CDH17: variants seen among roughly 807,000 people sequenced by gnomAD.
CDH17 encodes cadherin 17, also known as cadherin-17.
Under a neutral mutation model 86.3 loss-of-function variants are expected in CDH17, and 67 were observed. The observed-to-expected ratio is 0.78, with a 90% CI of 0.64 to 0.95. The LOEUF is 0.95. Ranked by LOEUF, CDH17 falls within the 40% of genes least tolerant of loss-of-function variation. CDH17 has a pLI of 0.00. For synonymous variants in CDH17, 367 were observed against 366.4 expected, an observed-to-expected ratio of 1.00 and a Z score of -0.02; for missense variants, 993 against 1,017.6, an observed-to-expected ratio of 0.98 and a Z score of 0.33.
chr8:94,186,767 A>C (rs1813589475), intron 3 of CDH17, among the ~76,000 whole-genome samples: 1 of 152,224 alleles, frequency 6.6e-6, no homozygotes, highest in Non-Finnish European at 1.5e-5. Flanking sequence ...CTGAGTGATC[A>C]CACAGTAAGC....
At chr8:94,137,439 GC>G (rs753454366) in intron 15 of CDH17, among the ~76,000 whole-genome samples, 11 of 152,178 alleles carry the variant, frequency 7.2e-5, no homozygotes, top group Non-Finnish European at 1.3e-4. Flanking sequence ...CACGGGACCT[GC>G]CAAGCCAGGC....
chr8:94,175,145 G>A (rs914177968), intron 5 of CDH17, among the ~76,000 whole-genome samples: 3 of 152,148 alleles, frequency 2.0e-5, no homozygotes, highest in Non-Finnish European at 4.4e-5. Flanking sequence ...TAGAAAAATA[G>A]CTGTTAAGCC....
chr8:94,162,491 A>G (rs186306631), intron 10 of CDH17, among the ~76,000 whole-genome samples: 1 of 152,216 alleles, frequency 6.6e-6, no homozygotes, highest in Non-Finnish European at 1.5e-5. Context: ...TTTTCTGACT[A>G]GTGAAACTTA....
intron 11 of CDH17, among the ~76,000 whole-genome samples, chr8:94,161,492 C>T (rs2130619861): frequency 6.6e-6 from 1 of 152,324 alleles, no homozygotes; most frequent in Admixed American, 6.5e-5. Flanking sequence ...AAAGTCATCA[C>T]CAAGTCTGAA....
intron 15 of CDH17, among the ~76,000 whole-genome samples, chr8:94,132,886 C>G (rs371471472): frequency 7.2e-5 from 11 of 152,160 alleles, no homozygotes; most frequent in South Asian, 4.1e-4. Context: ...TCTACATATG[C>G]CTAGCCAGTT....
intron 12 of CDH17, among the ~76,000 whole-genome samples, chr8:94,157,766 A>T (rs549821466): frequency 1.3e-5 from 2 of 152,110 alleles, no homozygotes; most frequent in Admixed American, 1.3e-4. Flanking sequence ...AAAATAAAAA[A>T]TTAGCTGGGT....
chr8:94,134,831 A>C (rs1168944574), intron 15 of CDH17, among the ~76,000 whole-genome samples: 1 of 152,150 alleles, frequency 6.6e-6, no homozygotes, highest in Non-Finnish European at 1.5e-5. Context: ...ACTGCTTTAA[A>C]TGTGTCCCAG....
chr8:94,155,486 A>G (rs1812929625), intron 12 of CDH17, among the ~76,000 whole-genome samples: 1 of 152,164 alleles, frequency 6.6e-6, no homozygotes, highest in South Asian at 2.1e-4. Context: ...ATGCTCAGAC[A>G]GAGCACATGC....
At chr8:94,158,720 A>G (rs183332596) in intron 12 of CDH17, among the ~76,000 whole-genome samples, 67 of 152,246 alleles carry the variant, frequency 4.4e-4, no homozygotes, top group African/African-American at 1.6e-3. Context: ...TAAGGCTTTG[A>G]GCTGGTCCAC....
intron 12 of CDH17, among the ~76,000 whole-genome samples, chr8:94,154,666 G>A (rs1029885536): frequency 1.3e-5 from 2 of 152,108 alleles, no homozygotes; most frequent in African/African-American, 4.8e-5. Flanking sequence ...TCTCCGTGTC[G>A]GCTTCCTGAT....
chr8:94,215,255 G>C (rs1178777318), intron 1 of CDH17, among the ~76,000 whole-genome samples: 2 of 152,050 alleles, frequency 1.3e-5, no homozygotes, highest in African/African-American at 4.8e-5. Context: ...ATCAACTGAT[G>C]GATAAAATGT....
At chr8:94,140,063 A>T (rs1242396153) in intron 15 of CDH17, among the ~76,000 whole-genome samples, 1 of 152,190 alleles carries the variant, frequency 6.6e-6, no homozygotes, top group Non-Finnish European at 1.5e-5. Context: ...ATATTTGGAA[A>T]CTAAATAACA....
chr8:94,129,948 C>A (rs1207196408), intron 17 of CDH17, among the ~76,000 whole-genome samples: 1 of 151,990 alleles, frequency 6.6e-6, no homozygotes, highest in Non-Finnish European at 1.5e-5. Flanking sequence ...TGCAAATGTT[C>A]AAAAATCTGG....
chr8:94,168,978 G>A (rs1465083649), intron 9 of CDH17, among the ~76,000 whole-genome samples: 7 of 152,112 alleles, frequency 4.6e-5, no homozygotes, highest in Admixed American at 3.3e-4. Context: ...GTATCCAGCT[G>A]AACTTCACCC....
intron 3 of CDH17, among the ~76,000 whole-genome samples, chr8:94,185,715 C>T (rs1329173163): frequency 6.6e-6 from 1 of 151,994 alleles, no homozygotes; most frequent in African/African-American, 2.4e-5. Context: ...AAAACTATGC[C>T]AATTTTTTTA....
chr8:94,198,370 G>C (rs1485254387), intron 1 of CDH17, among the ~76,000 whole-genome samples: 2 of 152,130 alleles, frequency 1.3e-5, no homozygotes, highest in African/African-American at 4.8e-5. Flanking sequence ...CTGCTTTAGA[G>C]TACTTATTTG....
upstream of CDH17, among the ~76,000 whole-genome samples, chr8:94,211,020 CAAAA>C (rs59090058): frequency 3.3e-5 from 3 of 91,892 alleles, no homozygotes; most frequent in Non-Finnish European, 2.4e-5. Flanking sequence ...GACTGCATCT[CAAAA>C]AAAAAAAAAA....
chr8:94,168,649 T>G (rs1423507095), intron 9 of CDH17, among the ~76,000 whole-genome samples: 1 of 152,220 alleles, frequency 6.6e-6, no homozygotes. Flanking sequence ...AATTCTCACC[T>G]TTAGAGAGGC....
intron 13 of CDH17, among the ~76,000 whole-genome samples, chr8:94,150,211 G>A (rs961359413): frequency 5.9e-5 from 9 of 152,272 alleles, no homozygotes; most frequent in African/African-American, 2.2e-4. Flanking sequence ...GGAATGCTTT[G>A]GAGGGTTTTG....
Sources: gnomAD v4.1 joint callset for allele counts (sites outside exome capture counted in the v4.1 genomes callset) on GRCh38, gnomAD v4.1.1 for gene constraint, MANE v1.5 for transcripts, NCBI Gene and HGNC (gene_info 2026-07-23, HGNC 2026-07-21) for gene names.